POU2F1: variants seen among roughly 807,000 people sequenced by gnomAD.
POU2F1 encodes POU class 2 homeobox 1, also known as POU domain, class 2, transcription factor 1.
Under a neutral mutation model 84.9 loss-of-function variants are expected in POU2F1, and 16 were observed. The observed-to-expected ratio is 0.19, with a 90% confidence interval of 0.13 to 0.29. The LOEUF is 0.29. Ranked by LOEUF, POU2F1 falls within the 10% of genes least tolerant of loss-of-function variation. POU2F1 has a pLI of 1.00. For missense variants in POU2F1, 738 were observed against 942.6 expected (o/e 0.78, Z 2.84); for synonymous variants, 368 against 368.3 (o/e 1.00, Z 0.01).
chr1:167,387,128 G>A (rs947195080), intron 8 of POU2F1: 9 of 455,692 alleles, frequency 2.0e-5, no homozygotes, highest in Admixed American at 2.4e-5. Flanking sequence ...TGGCAGGGCC[G>A]TTGTGGCTTC....
chr1:167,231,074 A>G (rs536416020), intron 1 of POU2F1, among the ~76,000 whole-genome samples: 29 of 152,348 alleles, frequency 1.9e-4, no homozygotes, highest in African/African-American at 7.0e-4. Flanking sequence ...AAGGCCCTAT[A>G]CTGGAAAGAC....
intron 1 of POU2F1, among the ~76,000 whole-genome samples, chr1:167,278,691 T>C (rs1200678022): frequency 1.3e-5 from 2 of 152,208 alleles, no homozygotes; most frequent in Admixed American, 6.5e-5. Flanking sequence ...CTGACAAGTC[T>C]TCTAAAAAAA....
chr1:167,305,598 C>T (rs1233785489), intron 1 of POU2F1, among the ~76,000 whole-genome samples: 3 of 152,092 alleles, frequency 2.0e-5, no homozygotes, highest in Non-Finnish European at 2.9e-5. Flanking sequence ...TTTTTAGTTA[C>T]ATGAATTTTA....
At chr1:167,324,401 C>G (rs1317483615) in intron 1 of POU2F1, among the ~76,000 whole-genome samples, 6 of 147,184 alleles carry the variant, frequency 4.1e-5, no homozygotes, top group African/African-American at 1.4e-4. Context: ...ATGTGACTTT[C>G]AGTGAAAAAC....
At chr1:167,343,632 A>ATTTT (rs869170039) in intron 2 of POU2F1, among the ~76,000 whole-genome samples, 14 of 69,394 alleles carry the variant, frequency 2.0e-4, no homozygotes, top group Non-Finnish European at 2.8e-4. Context: ...CCAGGGGTCA[A>ATTTT]TTTTTTTTTT....
At chr1:167,317,299 C>A (rs904445523) in intron 1 of POU2F1, among the ~76,000 whole-genome samples, 4 of 152,198 alleles carry the variant, frequency 2.6e-5, no homozygotes, top group African/African-American at 9.6e-5. Context: ...CACAGTTTGT[C>A]ATTACACCTT....
rs549511986 is a variant in POU2F1 at position 167,389,377 on chromosome 1, T to C, written c.814-211T>C. ...ATTTCATTTTTGTGTATTCATGTTTTTTCTATAGAATTACATAATTACTTG... is the reference window on the plus strand; with the variant it reads ...ATTTCATTTTTGTGTATTCATGTTTCTTCTATAGAATTACATAATTACTTG... On this transcript the variant is annotated intron_variant, in intron 8 of 15. Coordinates refer to ENST00000367866, the MANE Select transcript of POU2F1 (RefSeq NM_002697.4). Among the ~76,000 whole-genome samples, 4 of 152,350 alleles carry C rather than the reference T, an allele frequency of 2.6e-5. No individual in the cohort carries two copies. The East Asian group carries it at 7.7e-4, about 29-fold the overall frequency.
chr1:167,249,158 A>G (rs1650549211), intron 1 of POU2F1, among the ~76,000 whole-genome samples: 1 of 152,198 alleles, frequency 6.6e-6, no homozygotes, highest in Admixed American at 6.5e-5. Context: ...CTCTGTAAGA[A>G]TGTTTGGCAT....
chr1:167,398,531 T>C (rs1167387438), intron 11 of POU2F1, among the ~76,000 whole-genome samples: 2 of 152,100 alleles, frequency 1.3e-5, no homozygotes. Context: ...AGTAGATTGG[T>C]TGGTTAAATT....
rs116226303 is a variant in POU2F1, at chr1:167,356,754, A to C, written c.128-8713A>C. On this transcript the variant is annotated intron_variant, in intron 2 of 15. Coordinates refer to ENST00000367866, the MANE Select transcript of POU2F1 (RefSeq NM_002697.4). ...GGAAAGTACACTTAGAAGAGTCCCA[A>C]GCAGGCACCGAGGTCAAGTGCAGTG... Among the ~76,000 whole-genome samples, 1,012 of 152,272 alleles carry C rather than the reference A, an allele frequency of 6.6e-3. 7 individuals are homozygous for C. Among genetic ancestry groups the C allele is most frequent in the African/African-American group, 0.023 (960 of 41,550 alleles).
chr1:167,281,388 G>A lies in POU2F1; in HGVS notation c.62-51082G>A, dbSNP rs189071998. ...GGAGTATTTGATCAGGAAGAAGGTA[G>A]TGATAAAAGAAAAACCTCGGCTGAA... is the stretch of plus-strand genomic sequence containing the variant. On this transcript the variant is annotated intron_variant, in intron 1 of 15. Coordinates refer to ENST00000367866, the MANE Select transcript of POU2F1 (RefSeq NM_002697.4). 1.1e-3 allele frequency among the ~76,000 whole-genome samples: 169 copies of A among 152,300 alleles called. 1 individual carries two copies. Among genetic ancestry groups the A allele is most frequent in the African/African-American group, 3.9e-3 (163 of 41,556 alleles).
chr1:167,345,998 CA>C (rs34988697), intron 2 of POU2F1, among the ~76,000 whole-genome samples: 96,199 of 124,080 alleles, frequency 0.78, 36,271 homozygotes, highest in East Asian at 0.98. Flanking sequence ...CGCATGTCTA[CA>C]AAAAAAAAAA....
chr1:167,291,720 A>G (rs374678956), intron 1 of POU2F1, among the ~76,000 whole-genome samples: 2 of 152,334 alleles, frequency 1.3e-5, no homozygotes, highest in Admixed American at 6.5e-5. Context: ...CACATTAAGT[A>G]TAACATTTCC....
chr1:167,396,403 T>A lies in POU2F1; in HGVS notation c.1105T>A (p.Leu369Ile). The A allele has an allele frequency of 1.2e-6, 2 of 1,614,050 alleles. No homozygotes were observed. Among genetic ancestry groups the A allele is most frequent in the Non-Finnish European group, 1.7e-6 (2 of 1,179,930 alleles). Reference sequence around the variant, plus strand: ...GAACATGTGCAAGTTGAAGCCACTTTTAGAGAAGTGGCTAAATGATGCAGG... The same window carrying A: ...GAACATGTGCAAGTTGAAGCCACTTATAGAGAAGTGGCTAAATGATGCAGG... ...FKNMCKLKPL[L>I]EKWLNDAENL... Residue 369 changes from leucine to isoleucine, a missense_variant, in exon 10 of 16, where the codon TTA becomes ATA. Transcript: ENST00000367866.
intron 1 of POU2F1, among the ~76,000 whole-genome samples, chr1:167,312,812 T>A (rs1655596364): frequency 6.6e-6 from 1 of 152,200 alleles, no homozygotes; most frequent in Non-Finnish European, 1.5e-5. Context: ...TCTTTTATAC[T>A]GTATTTTTAC....
At chr1:167,290,310 T>C (rs905220116) in intron 1 of POU2F1, among the ~76,000 whole-genome samples, 1 of 152,046 alleles carries the variant, frequency 6.6e-6, no homozygotes, top group Non-Finnish European at 1.5e-5. Flanking sequence ...GGTGAGAGGA[T>C]TGATTGAACC....
At chr1:167,401,191 G>A (rs527257352) in intron 12 of POU2F1, among the ~76,000 whole-genome samples, 2 of 152,240 alleles carry the variant, frequency 1.3e-5, no homozygotes, top group South Asian at 4.2e-4. Flanking sequence ...AGGTAAAGTT[G>A]ATAATTAGTA....
At chr1:167,267,630 CTTTTTTTTTTTTTT>C (rs71073658) in intron 1 of POU2F1, among the ~76,000 whole-genome samples, 3,510 of 70,738 alleles carry the variant, frequency 0.05, 228 homozygotes, top group African/African-American at 0.17. Flanking sequence ...GTTACTGTGT[CTTTTTTTTTTTTTT>C]TTTTTTTTTT....
chr1:167,294,416 A>G (rs781599799), intron 1 of POU2F1, among the ~76,000 whole-genome samples: 1 of 152,070 alleles, frequency 6.6e-6, no homozygotes, highest in African/African-American at 2.4e-5. Context: ...ACATAAATAA[A>G]TGGGACCTAA....
Sources: allele counts gnomAD v4.1 joint callset (sites outside exome capture counted in the v4.1 genomes callset), GRCh38; gene constraint gnomAD v4.1.1; transcripts MANE v1.5; gene names NCBI Gene and HGNC (gene_info 2026-07-23, HGNC 2026-07-21).